Variants in NAV2 observed in about 807,000 individuals in gnomAD.
NAV2 encodes the protein neuron navigator 2.
A neutral mutation model predicts 223.2 loss-of-function variants in NAV2; 54 were observed. The ratio of observed to expected loss-of-function variants is 0.24; its 90% confidence interval spans 0.19 to 0.30. The LOEUF is 0.30. Ranked by LOEUF, NAV2 falls within the 10% of genes least tolerant of loss-of-function variation. The pLI is 1.00. For synonymous variants in NAV2, 1,279 were observed against 1,239.3 expected, an observed-to-expected ratio of 1.03 and a Z score of -0.67; for missense variants, 2,806 against 3,147.5, an observed-to-expected ratio of 0.89 and a Z score of 2.60.
At chr11:20,071,105 A>G (rs1293535027) in intron 22 of NAV2, among the ~76,000 whole-genome samples, 1 of 85,878 alleles carries the variant, frequency 1.2e-5, no homozygotes, top group African/African-American at 4.6e-5. Context: ...TCCCTCCCCT[A>G]GCCCCCCACC....
intron 1 of NAV2, among the ~76,000 whole-genome samples, chr11:19,499,444 G>A (rs969315826): frequency 1.3e-5 from 2 of 152,212 alleles, no homozygotes; most frequent in African/African-American, 4.8e-5. Context: ...ATAGTCAAAG[G>A]GAGAAATGTT....
At chr11:19,632,381 T>C (rs2135501113) in intron 1 of NAV2, among the ~76,000 whole-genome samples, 1 of 152,334 alleles carries the variant, frequency 6.6e-6, no homozygotes, top group African/African-American at 2.4e-5. Flanking sequence ...ACATATTTAT[T>C]GGGTTTGTCC....
At chr11:19,814,630 TTTTG>T (rs966291134) in intron 1 of NAV2, among the ~76,000 whole-genome samples, 7 of 152,136 alleles carry the variant, frequency 4.6e-5, no homozygotes, top group South Asian at 2.1e-4. Flanking sequence ...ATGGCCACTT[TTTTG>T]TTTGTTTGTT....
intron 2 of NAV2, among the ~76,000 whole-genome samples, chr11:19,836,738 A>G (rs1444967847): frequency 1.3e-5 from 2 of 152,214 alleles, no homozygotes; most frequent in African/African-American, 4.8e-5. Context: ...TCAGACTGCT[A>G]TAACAAAATA....
chr11:19,982,723 T>A (rs1263954588), intron 10 of NAV2, among the ~76,000 whole-genome samples: 1 of 152,190 alleles, frequency 6.6e-6, no homozygotes, highest in Non-Finnish European at 1.5e-5. Flanking sequence ...TGGAAGGTGC[T>A]TTTCACATGA....
intron 1 of NAV2, chr11:19,504,152 G>A (rs1036360931): frequency 1.3e-5 from 2 of 152,196 alleles, no homozygotes; most frequent in East Asian, 1.9e-4. Flanking sequence ...AATCCAGAAC[G>A]CTGAGAACAC....
chr11:19,502,296 T>G (rs1325947527), intron 1 of NAV2, among the ~76,000 whole-genome samples: 1 of 152,180 alleles, frequency 6.6e-6, no homozygotes, highest in Non-Finnish European at 1.5e-5. Context: ...CTATTTATAA[T>G]TTAGAGATTA....
chr11:19,525,086 G>T (rs1028593261), intron 1 of NAV2, among the ~76,000 whole-genome samples: 2 of 152,102 alleles, frequency 1.3e-5, no homozygotes, highest in Non-Finnish European at 2.9e-5. Context: ...TAGTTGTCTG[G>T]GTCATAAATT....
chr11:19,737,302 A>C (rs1218320215), intron 1 of NAV2, among the ~76,000 whole-genome samples: 7 of 152,232 alleles, frequency 4.6e-5, no homozygotes, highest in African/African-American at 1.7e-4. Flanking sequence ...GTGAATCTAC[A>C]TATTATACAC....
chr11:19,846,500 G>A (rs931691635), intron 3 of NAV2, among the ~76,000 whole-genome samples: 2 of 152,166 alleles, frequency 1.3e-5, no homozygotes, highest in Non-Finnish European at 2.9e-5. Flanking sequence ...AAAAATTCGA[G>A]GTCATCAATT....
At chr11:19,653,147 C>G (rs1182750925) in intron 1 of NAV2, among the ~76,000 whole-genome samples, 1 of 152,182 alleles carries the variant, frequency 6.6e-6, no homozygotes, top group Non-Finnish European at 1.5e-5. Flanking sequence ...ACACTTGGCA[C>G]AAGAGCCACT....
chr11:19,974,287 G>A (rs567799107), intron 10 of NAV2, among the ~76,000 whole-genome samples: 1 of 152,288 alleles, frequency 6.6e-6, no homozygotes, highest in African/African-American at 2.4e-5. Context: ...ATGCAGACTT[G>A]GGGGAAAGGA....
chr11:20,035,968 C>T lies in NAV2; in HGVS notation c.2778C>T (p.Asp926=), dbSNP rs759535973. 6 of 1,614,034 alleles carry T rather than the reference C, an allele frequency of 3.7e-6. No individual in the cohort carries two copies. Among genetic ancestry groups the T allele is most frequent in the Admixed American group, 1.7e-5 (1 of 59,998 alleles). Residue 926 remains aspartate (D), a synonymous_variant, in exon 12 of 38, where the codon GAC becomes GAT. Transcript: ENST00000349880. ...LGLGDADSWD[D]SSSVSSGISD... ...GTGTTTGTCTTGGCAGCTGGGACGACAGCAGCTCCGTCAGCAGCGGCATCA... is the reference window on the plus strand; with the variant it reads ...GTGTTTGTCTTGGCAGCTGGGACGATAGCAGCTCCGTCAGCAGCGGCATCA...
intron 1 of NAV2, among the ~76,000 whole-genome samples, chr11:19,739,564 G>C (rs1444260890): frequency 1.3e-5 from 2 of 152,142 alleles, no homozygotes; most frequent in East Asian, 1.9e-4. Flanking sequence ...GACTGAATCA[G>C]GTCTGTGGAG....
At chr11:19,790,988 G>C (rs943140045) in intron 1 of NAV2, among the ~76,000 whole-genome samples, 9 of 151,064 alleles carry the variant, frequency 6.0e-5, no homozygotes, top group Middle Eastern at 6.8e-3. Flanking sequence ...TATGTAATTT[G>C]TCTGCACAAC....
intron 1 of NAV2, among the ~76,000 whole-genome samples, chr11:19,385,423 T>G (rs1184790355): frequency 6.6e-6 from 1 of 152,252 alleles, no homozygotes; most frequent in Non-Finnish European, 1.5e-5. Flanking sequence ...GAAGCCTTGT[T>G]AAGTTAGCCA....
chr11:19,381,449 G>C (rs1848833605), intron 1 of NAV2, among the ~76,000 whole-genome samples: 1 of 152,326 alleles, frequency 6.6e-6, no homozygotes, highest in South Asian at 2.1e-4. Context: ...AGGTGCTGGG[G>C]ATCTTTCAAA....
upstream of NAV2, among the ~76,000 whole-genome samples, chr11:19,710,072 C>T (rs933370755): frequency 5.3e-5 from 8 of 152,080 alleles, no homozygotes; most frequent in Non-Finnish European, 8.8e-5. Context: ...GTCTCAGAAC[C>T]CCGAAATGAC....
chr11:19,655,184 G>A (rs948259136), intron 1 of NAV2, among the ~76,000 whole-genome samples: 14 of 152,032 alleles, frequency 9.2e-5, no homozygotes, highest in South Asian at 4.2e-4. Context: ...AATCAAAACC[G>A]CAATGAGATA....
Sources: allele counts gnomAD v4.1 joint callset (sites outside exome capture counted in the v4.1 genomes callset), GRCh38; gene constraint gnomAD v4.1.1; transcripts MANE v1.5; gene names NCBI Gene and HGNC (gene_info 2026-07-23, HGNC 2026-07-21).